Variants in TAFA4 observed in about 807,000 individuals in gnomAD.
The protein encoded by TAFA4 is chemokine-like protein TAFA-4.
TAFA4 carries 20 observed loss-of-function variants against 21.1 expected under a neutral mutation model. The observed-to-expected ratio is 0.95, with a 90% CI of 0.67 to 1.38. The LOEUF is 1.38. Ranked by LOEUF, TAFA4 falls within the 40% of genes most tolerant of loss-of-function variation. TAFA4 has a pLI of 0.00. For synonymous variants in TAFA4, 71 were observed against 67.4 expected (o/e 1.05, Z -0.26); for missense variants, 211 against 180.9 (o/e 1.17, Z -0.95).
At chr3:68,919,251 G>C (rs1344997326) in intron 1 of TAFA4, among the ~76,000 whole-genome samples, 1 of 152,186 alleles carries the variant, frequency 6.6e-6, no homozygotes, top group Non-Finnish European at 1.5e-5. Flanking sequence ...AACTGCCCCA[G>C]TAGGACTGTG....
chr3:68,847,820 T>C (rs929792913), intron 3 of TAFA4, among the ~76,000 whole-genome samples: 5 of 152,210 alleles, frequency 3.3e-5, no homozygotes, highest in Middle Eastern at 3.2e-3. Flanking sequence ...CTCAGGTGTA[T>C]AGCATGCTTT....
At chr3:68,879,636 T>C (rs1350225558) in intron 3 of TAFA4, among the ~76,000 whole-genome samples, 4 of 152,208 alleles carry the variant, frequency 2.6e-5, no homozygotes, top group African/African-American at 9.6e-5. Flanking sequence ...ACTTCAATCA[T>C]TATTTTTCTC....
intron 1 of TAFA4, among the ~76,000 whole-genome samples, chr3:68,919,981 T>G (rs9843171): frequency 9.2e-5 from 14 of 152,078 alleles, no homozygotes; most frequent in Admixed American, 7.9e-4. Context: ...TACCAAGAGA[T>G]TGTAATTATG....
At chr3:68,741,838 A>AG (rs1337316106) in intron 4 of TAFA4, among the ~76,000 whole-genome samples, 1 of 151,448 alleles carries the variant, frequency 6.6e-6, no homozygotes, top group African/African-American at 2.5e-5. Flanking sequence ...TTCTCTTCCA[A>AG]AGAATCGAAG....
At chr3:68,757,917 C>CTGTT (rs745388876) in intron 3 of TAFA4, among the ~76,000 whole-genome samples, 40 of 151,984 alleles carry the variant, frequency 2.6e-4, no homozygotes, top group Non-Finnish European at 4.7e-4. Context: ...GTTTTAGGTA[C>CTGTT]TGTTTGAATT....
chr3:68,755,704 G>A (rs902512725), intron 3 of TAFA4, among the ~76,000 whole-genome samples: 25 of 152,324 alleles, frequency 1.6e-4, no homozygotes, highest in East Asian at 1.9e-4. Flanking sequence ...ACCCTGGCAT[G>A]AGCAGCCCTA....
At chr3:68,887,287 T>A (rs186226584) in intron 1 of TAFA4, among the ~76,000 whole-genome samples, 2 of 152,236 alleles carry the variant, frequency 1.3e-5, no homozygotes, top group African/African-American at 2.4e-5. Flanking sequence ...CTGTATGTCC[T>A]GCATCCTGGA....
chr3:68,785,016 G>A (rs1287392746), intron 3 of TAFA4, among the ~76,000 whole-genome samples: 14 of 151,748 alleles, frequency 9.2e-5, no homozygotes, highest in Non-Finnish European at 1.5e-4. Context: ...ACAGAGTGCC[G>A]ATTGGTGTAT....
chr3:68,765,522 T>TTA (rs1559513743), intron 3 of TAFA4, among the ~76,000 whole-genome samples: 1 of 152,174 alleles, frequency 6.6e-6, no homozygotes, highest in African/African-American at 2.4e-5. Context: ...AAGTCCAGAA[T>TTA]TAAAATATGA....
chr3:68,741,373 A>G (rs534052505), intron 4 of TAFA4, among the ~76,000 whole-genome samples: 1 of 152,102 alleles, frequency 6.6e-6, no homozygotes, highest in African/African-American at 2.4e-5. Context: ...ATATTTTTTG[A>G]TGCTATTATA....
chr3:68,794,206 C>G (rs1053311380), intron 3 of TAFA4, among the ~76,000 whole-genome samples: 1 of 152,144 alleles, frequency 6.6e-6, no homozygotes, highest in African/African-American at 2.4e-5. Context: ...TCCATGAACC[C>G]AAGCTAAGGA....
At chr3:68,863,582 C>A (rs1352157608) in intron 3 of TAFA4, among the ~76,000 whole-genome samples, 1 of 152,034 alleles carries the variant, frequency 6.6e-6, no homozygotes, top group African/African-American at 2.4e-5. Flanking sequence ...AAAACTGAGA[C>A]CAAGAGAGTA....
At chr3:68,898,031 C>T (rs1183036932) in intron 1 of TAFA4, among the ~76,000 whole-genome samples, 9 of 152,158 alleles carry the variant, frequency 5.9e-5, no homozygotes, top group Non-Finnish European at 1.0e-4. Flanking sequence ...AAGGTAAATA[C>T]GAATGGGAGG....
chr3:68,860,458 A>G (rs1381529523), intron 3 of TAFA4, among the ~76,000 whole-genome samples: 2 of 152,176 alleles, frequency 1.3e-5, no homozygotes, highest in African/African-American at 4.8e-5. Flanking sequence ...TGATGCAGCT[A>G]TAATAATCTT....
chr3:68,867,027 CAG>C (rs1575648972), intron 3 of TAFA4, among the ~76,000 whole-genome samples: 2 of 151,872 alleles, frequency 1.3e-5, no homozygotes, highest in African/African-American at 4.8e-5. Context: ...AAGATAATAA[CAG>C]AAAAATTTCC....
chr3:68,753,130 TGA>T, intron 3 of TAFA4, 112 bp from the exon 4 acceptor site: 1 of 892,626 alleles, frequency 1.1e-6, no homozygotes, highest in Non-Finnish European at 1.7e-6. Context: ...GCTATGCTTA[TGA>T]GTCTTTGTAA....
chr3:68,908,665 G>GA (rs1158425670), intron 1 of TAFA4, among the ~76,000 whole-genome samples: 1 of 152,210 alleles, frequency 6.6e-6, no homozygotes, highest in Non-Finnish European at 1.5e-5. Context: ...TCTCCGCATG[G>GA]AAAAGGACTG....
At chr3:68,908,099 C>T (rs970677423) in intron 1 of TAFA4, among the ~76,000 whole-genome samples, 7 of 152,152 alleles carry the variant, frequency 4.6e-5, no homozygotes, top group Non-Finnish European at 7.4e-5. Flanking sequence ...TTTCATATAA[C>T]TGACTCCAAT....
chr3:68,738,345 C>T (rs1485534517), intron 5 of TAFA4, among the ~76,000 whole-genome samples: 1 of 152,090 alleles, frequency 6.6e-6, no homozygotes, highest in Non-Finnish European at 1.5e-5. Context: ...CCAGAGGGTG[C>T]CAGTGGAATA....
Sources: allele counts gnomAD v4.1 joint callset (sites outside exome capture counted in the v4.1 genomes callset), GRCh38; gene constraint gnomAD v4.1.1; transcripts MANE v1.5; gene names NCBI Gene and HGNC (gene_info 2026-07-23, HGNC 2026-07-21).